Variants in ZNF300 observed in about 807,000 individuals in gnomAD.
ZNF300 encodes the protein zinc finger protein 300, also known as kruppel-like zinc finger protein.
ZNF300 carries 6 observed loss-of-function variants against 13.9 expected under a neutral mutation model. The observed-to-expected ratio is 0.43, with a 90% confidence interval of 0.24 to 0.85. The LOEUF is 0.85. Ranked by LOEUF, ZNF300 falls within the 40% of genes least tolerant of loss-of-function variation. The probability of loss-of-function intolerance (pLI) is 0.25; values close to 1 mark genes in which losing one functional copy is unlikely to be tolerated. For synonymous variants in ZNF300, 237 were observed against 242.2 expected (o/e 0.98, Z 0.20); for missense variants, 662 against 714.2 (o/e 0.93, Z 0.83).
rs1581657377 is a variant in ZNF300, at chr5:150,895,174, C to A, written c.*250G>T. On this transcript the variant is annotated 3_prime_UTR_variant, in exon 6 of 6. Coordinates refer to ENST00000274599, the MANE Select transcript of ZNF300 (RefSeq NM_052860.4). The stretch of plus-strand genomic sequence containing the variant: ...ATGCAACTTGACAATATTCTGTATG[C>A]TTAACTTGCTGTGCTGATCACTGAG... The A allele has an allele frequency of 5.5e-6, 2 of 365,622 alleles. No homozygotes were observed. Among genetic ancestry groups the A allele is most frequent in the Non-Finnish European group, 9.8e-6 (2 of 203,866 alleles). 22.6% of individuals were successfully genotyped at this position (365,622 alleles called of 1,614,324 possible).
Position 150,896,606 on chromosome 5 carries a change from T to A in ZNF300, c.633A>T (p.Lys211Asn). The A allele has an allele frequency of 6.2e-7, 1 of 1,613,628 alleles. No individual in the cohort carries two copies. The highest frequency in any genetic ancestry group is 1.3e-5 in the African/African-American group (1 of 75,006). ...TTCCACCTCCAAAACTCTGATCAGG[T>A]TTTTTTCTTGAATTGCTCTTATAAC... ...PSCYKSNSRK[K>N]PDQSFGGGKS... The change falls in exon 6 of 6, where the codon AAA (lysine) becomes AAT (asparagine). Residue 211 changes from lysine to asparagine, a missense_variant. Coordinates refer to ENST00000274599, the MANE Select transcript of ZNF300 (RefSeq NM_052860.4).
At chr5:150,902,917 G>A (rs1755035450) in intron 3 of ZNF300, among the ~76,000 whole-genome samples, 1 of 152,102 alleles carries the variant, frequency 6.6e-6, no homozygotes, top group South Asian at 2.1e-4. Context: ...AATGCAAATC[G>A]TGTAACTCAT....
intron 2 of ZNF300, among the ~76,000 whole-genome samples, chr5:150,903,608 G>GC (rs764963848): frequency 2.6e-5 from 4 of 152,106 alleles, no homozygotes; most frequent in Non-Finnish European, 4.4e-5. Context: ...GAAAACTGAG[G>GC]CATGTGTTCC....
In ZNF300 at chr5:150,896,175, C is replaced by T; in HGVS notation, c.1064G>A (p.Cys355Tyr). 6.2e-7 allele frequency: 1 copy of T among 1,613,508 alleles called. No individual in the cohort carries two copies. Among genetic ancestry groups the T allele is most frequent in the Non-Finnish European group, 8.5e-7 (1 of 1,179,768 alleles). ...RVHTGEKPYE[C>Y]SECGKAFSQK... ...GGAGAAGGCTTTCCCGCATTCACTA[C>T]ATTCATAGGGTTTTTCCCCAGTGTG... Residue 355 changes from cysteine (C) to tyrosine (Y), a missense_variant, in exon 6 of 6, where the codon TGT (cysteine) becomes TAT (tyrosine). Coordinates refer to ENST00000274599, the MANE Select transcript of ZNF300 (RefSeq NM_052860.4).
chr5:150,896,328 T>C lies in ZNF300; in HGVS notation c.911A>G (p.Lys304Arg), dbSNP rs1490895889. The C allele has an allele frequency of 1.9e-6, 3 of 1,613,682 alleles. No individual in the cohort carries two copies. The highest frequency in any genetic ancestry group is 1.1e-5 in the South Asian group (1 of 91,056). ...AAGATGAAACTTCTCACTGAAGGCT[T>C]TTCCGCATGCACCACAATCATATGG... ...KKPYDCGACG[K>R]AFSEKFHLVV... The change falls in exon 6 of 6, where the codon AAA (lysine) becomes AGA (arginine). Residue 304 changes from lysine (K) to arginine (R), a missense_variant. Coordinates refer to ENST00000274599, the MANE Select transcript of ZNF300 (RefSeq NM_052860.4).
chr5:150,898,276 A>G, intron 4 of ZNF300, 92 bp from the exon 5 acceptor site: 2 of 1,592,344 alleles, frequency 1.3e-6, no homozygotes, highest in Non-Finnish European at 1.7e-6. Flanking sequence ...AAAGCTGTCC[A>G]GTTAGCCCTC....
chr5:150,904,783 C>G lies in ZNF300; in HGVS notation c.-221G>C, dbSNP rs1243070953. ...ACCACCATCACCGCTTAATGGGAACCGCTGTCACATCCCTATTGGCAAACT... is the reference window on the plus strand; with the variant it reads ...ACCACCATCACCGCTTAATGGGAACGGCTGTCACATCCCTATTGGCAAACT... On this transcript the variant is annotated 5_prime_UTR_variant, in exon 1 of 6. Transcript: ENST00000274599. 1 of 153,220 alleles carries G rather than the reference C, an allele frequency of 6.5e-6. No homozygotes were observed. Among genetic ancestry groups the G allele is most frequent in the Admixed American group, 6.5e-5 (1 of 15,276 alleles). The allele number at this position is 153,220 out of a possible 1,614,324, so 9.5% of individuals were successfully genotyped here.
At position 150,895,550 on chromosome 5, in the gene ZNF300, G is replaced by A. The variant is rs764334253; in HGVS notation, c.1689C>T (p.Asp563=). Residue 563 remains aspartate (D), a synonymous_variant, in exon 6 of 6, where the codon GAC becomes GAT. Transcript: ENST00000274599. The part of the protein sequence containing the change: ...ECGKAFSQKS[D]LVLHQRIHTG... ...TATGAATCCTCTGATGTAAAACAAG[G>A]TCTGACTTCTGAGAAAAGGCCTTTC... 1.2e-6 allele frequency: 2 copies of A among 1,613,480 alleles called. No homozygotes were observed. The highest frequency in any genetic ancestry group is 3.3e-5 in the Admixed American group (2 of 59,838).
intron 4 of ZNF300, 57 bp from the exon 5 acceptor site, chr5:150,898,241 G>A (rs1754867875): frequency 1.0e-5 from 16 of 1,605,602 alleles, no homozygotes; most frequent in African/African-American, 4.0e-5. Flanking sequence ...AAAAAGAGAA[G>A]GTGCAGTTTC....
At position 150,895,666 on chromosome 5, in the gene ZNF300, C is replaced by G; in HGVS notation, c.1573G>C (p.Glu525Gln). The G allele has an allele frequency of 1.2e-6, 2 of 1,613,298 alleles. No homozygotes were observed. The highest frequency in any genetic ancestry group is 8.5e-7 in the Non-Finnish European group (1 of 1,179,660). The stretch of plus-strand genomic sequence containing the variant: ...TTCTGAGAGAAGGCTTTCCCACATT[C>G]AGTACATATATAAGGTTTTTCTCCT... Reference protein sequence around the residue: ...HTGEKPYICTECGKAFSQKSH... With the variant: ...HTGEKPYICTQCGKAFSQKSH... Residue 525 changes from glutamate to glutamine, a missense_variant, in exon 6 of 6, where the codon GAA becomes CAA. By Grantham distance (29) the Glu-to-Gln change is conservative (BLOSUM62 2). Transcript: ENST00000274599.
chr5:150,897,531 A>C (rs1011720099), intron 5 of ZNF300: 2 of 155,586 alleles, frequency 1.3e-5, no homozygotes, highest in African/African-American at 4.8e-5. Context: ...AAAACTAGTA[A>C]AGTTCTCCCA....
intron 3 of ZNF300, among the ~76,000 whole-genome samples, chr5:150,899,508 G>A (rs1043550762): frequency 5.3e-5 from 8 of 151,934 alleles, no homozygotes; most frequent in African/African-American, 1.7e-4. Flanking sequence ...ATAGGAAAAT[G>A]ATCTTAGCTT....
rs776168191 is a variant in ZNF300 at position 150,895,643 on chromosome 5, C to T, written c.1596G>A (p.Gln532=). Residue 532 remains glutamine, a synonymous_variant, in exon 6 of 6, where the codon CAG becomes CAA. Coordinates refer to ENST00000274599, the MANE Select transcript of ZNF300 (RefSeq NM_052860.4). The stretch of plus-strand genomic sequence containing the variant: ...GCTGGTGTCCCGGAAGGTGGGACTT[C>T]TGAGAGAAGGCTTTCCCACATTCAG... The part of the protein sequence containing the change: ...ICTECGKAFS[Q]KSHLPGHQRI... 1.2e-6 allele frequency: 2 copies of T among 1,613,080 alleles called. No individual in the cohort carries two copies. Among genetic ancestry groups the T allele is most frequent in the South Asian group, 2.2e-5 (2 of 91,032 alleles).
At chr5:150,898,371 AG>A in intron 4 of ZNF300, 56 bp downstream of exon 4, 2 of 1,612,708 alleles carry the variant, frequency 1.2e-6, no homozygotes, top group Non-Finnish European at 8.5e-7. Context: ...CACAGCAACT[AG>A]TAAGGAAAGG....
rs1755064929 is a variant in ZNF300 at position 150,903,885 on chromosome 5, C to T, written c.-49G>A. On this transcript the variant is annotated 5_prime_UTR_variant, in exon 2 of 6. The change creates a premature stop within an existing upstream ORF in the 5' untranslated region. Transcript: ENST00000274599. ...ATACCTGGTAAATTTTCCTCAGTCC[C>T]AGGACAAGTCATGCAGACAGAGCTG... is the stretch of plus-strand genomic sequence containing the variant. The T allele has an allele frequency of 6.4e-6, 1 of 155,998 alleles. No individual in the cohort carries two copies. The allele number at this position is 155,998 out of a possible 1,614,324, so 9.7% of individuals were successfully genotyped here. A position where few individuals can be genotyped will look rare whatever the true frequency, so the allele number is the denominator to read the frequency against.
chr5:150,895,691 T>A lies in ZNF300; in HGVS notation c.1548A>T (p.Thr516=). 6.2e-7 allele frequency: 1 copy of A among 1,613,332 alleles called. No homozygotes were observed. The highest frequency in any genetic ancestry group is 8.5e-7 in the Non-Finnish European group (1 of 1,179,714). ...CAGTACATATATAAGGTTTTTCTCC[T>A]GTGTGAATTCTCTGATGTCCAATGA... The part of the protein sequence containing the change: ...SHLIGHQRIH[T]GEKPYICTEC... The change falls in exon 6 of 6, where the codon ACA becomes ACT. Residue 516 remains threonine, a synonymous_variant. Coordinates refer to ENST00000274599, the MANE Select transcript of ZNF300 (RefSeq NM_052860.4).
intron 3 of ZNF300, among the ~76,000 whole-genome samples, chr5:150,902,696 G>A (rs1755030623): frequency 6.6e-6 from 1 of 152,198 alleles, no homozygotes; most frequent in Non-Finnish European, 1.5e-5. Flanking sequence ...GGTTCAAGGA[G>A]TTTGGCTAGA....
intron 3 of ZNF300, among the ~76,000 whole-genome samples, chr5:150,901,119 T>C (rs1351439503): frequency 6.6e-6 from 1 of 152,030 alleles, no homozygotes; most frequent in Non-Finnish European, 1.5e-5. Context: ...GGTAGGGAAC[T>C]AATATACAGC....
At chr5:150,897,822 T>A (rs1754847930) in intron 5 of ZNF300, 1 of 426,398 alleles carries the variant, frequency 2.3e-6, no homozygotes, top group Non-Finnish European at 4.1e-6. Context: ...TTGAAAGGAA[T>A]TTGCCTTCTA....
Sources: gnomAD v4.1 joint callset for allele counts (sites outside exome capture counted in the v4.1 genomes callset) on GRCh38, gnomAD v4.1.1 for gene constraint, MANE v1.5 for transcripts, NCBI Gene and HGNC (gene_info 2026-07-23, HGNC 2026-07-21) for gene names.